The following LRP1B variants were observed in gnomAD, a reference collection of about 807,000 sequenced individuals.
LRP1B encodes low-density lipoprotein receptor-related protein 1B.
LRP1B carries 217 observed loss-of-function variants against 556.6 expected under a neutral mutation model. The observed-to-expected ratio is 0.39, with a 90% CI of 0.35 to 0.44. The LOEUF (loss-of-function observed/expected upper bound fraction) is 0.44, where lower values mean the gene tolerates loss of function less well. LRP1B is among the 20% of genes least tolerant of loss of function. The pLI, the probability that LRP1B is intolerant of heterozygous loss-of-function variation, is 1.00. For missense variants in LRP1B, 5,053 were observed against 5,620.8 expected, an observed-to-expected ratio of 0.90 and a Z score of 3.23; for synonymous variants, 2,047 against 1,865.8, an observed-to-expected ratio of 1.10 and a Z score of -2.50.
chr2:141,467,574 CTGA>C (rs1682280896), intron 3 of LRP1B, among the ~76,000 whole-genome samples: 1 of 152,056 alleles, frequency 6.6e-6, no homozygotes, highest in South Asian at 2.1e-4. Flanking sequence ...GATAGACGAA[CTGA>C]TGACCTCTGA....
intron 41 of LRP1B, among the ~76,000 whole-genome samples, chr2:140,666,189 T>C (rs1476516188): frequency 1.3e-5 from 2 of 151,566 alleles, no homozygotes; most frequent in Non-Finnish European, 2.9e-5. Context: ...GAGGCGGGGC[T>C]TCACCATCTT....
intron 33 of LRP1B, among the ~76,000 whole-genome samples, chr2:140,771,987 C>A (rs991276389): frequency 2.0e-5 from 3 of 152,144 alleles, no homozygotes; most frequent in Non-Finnish European, 4.4e-5. Flanking sequence ...TTCAATCGAA[C>A]CTGTCATGAG....
chr2:141,688,134 C>A (rs1190593414), intron 2 of LRP1B, among the ~76,000 whole-genome samples: 1 of 151,672 alleles, frequency 6.6e-6, no homozygotes, highest in Non-Finnish European at 1.5e-5. Flanking sequence ...CAAATACAAG[C>A]TATTCCAATT....
intron 2 of LRP1B, among the ~76,000 whole-genome samples, chr2:141,650,058 T>C (rs1689727949): frequency 6.6e-6 from 1 of 152,152 alleles, no homozygotes; most frequent in Non-Finnish European, 1.5e-5. Context: ...CATGTGCCTG[T>C]AATCCCAGCT....
rs151267720 is a variant in LRP1B, at chr2:140,742,228, C to T, written c.5759-25412G>A. Among the ~76,000 whole-genome samples the T allele has an allele frequency of 1.5e-3, 234 of 152,260 alleles. 3 individuals are homozygous for T. In the East Asian group the frequency reaches 0.038, roughly 25 times the overall value. ...AATGTAATTGACTGAAAAGTACAGG[C>T]ACAGGGTGGGTGAGAAAACTGAGTG... is the stretch of plus-strand genomic sequence containing the variant. On this transcript the variant is annotated intron_variant, in intron 35 of 90. Coordinates refer to ENST00000389484, the MANE Select transcript of LRP1B (RefSeq NM_018557.3).
chr2:141,520,693 C>T (rs566023082), intron 2 of LRP1B, among the ~76,000 whole-genome samples: 2 of 152,160 alleles, frequency 1.3e-5, no homozygotes, highest in East Asian at 3.9e-4. Flanking sequence ...TTTTTGCTCT[C>T]CTTGTTGATA....
At chr2:141,105,289 T>C in intron 7 of LRP1B, among the ~76,000 whole-genome samples, 1 of 152,124 alleles carries the variant, frequency 6.6e-6, no homozygotes, top group Non-Finnish European at 1.5e-5. Flanking sequence ...TCAACTTAGA[T>C]ACATGAATTT....
intron 21 of LRP1B, among the ~76,000 whole-genome samples, chr2:140,921,520 G>T (rs916193623): frequency 2.0e-5 from 3 of 151,846 alleles, no homozygotes; most frequent in African/African-American, 4.8e-5. Context: ...ATCTATTTAT[G>T]CCATCAATAA....
intron 77 of LRP1B, among the ~76,000 whole-genome samples, chr2:140,340,316 T>C (rs1304364055): frequency 2.0e-5 from 3 of 151,638 alleles, no homozygotes; most frequent in African/African-American, 7.2e-5. Context: ...TTAGATGGTC[T>C]TTGAACATGT....
At chr2:140,859,710 C>G (rs17518049) in intron 27 of LRP1B, among the ~76,000 whole-genome samples, 20,427 of 151,930 alleles carry the variant, frequency 0.13, 1,568 homozygotes, top group Admixed American at 0.17. Context: ...AAATAAATTG[C>G]CTGGCCGTGT....
At chr2:142,086,923 T>A (rs1219588982) in intron 1 of LRP1B, among the ~76,000 whole-genome samples, 9 of 152,112 alleles carry the variant, frequency 5.9e-5, no homozygotes, top group Admixed American at 5.9e-4. Flanking sequence ...CTTTTCTGCC[T>A]CTGTGAAGTA....
chr2:141,694,161 C>T (rs955615740), intron 2 of LRP1B, among the ~76,000 whole-genome samples: 1 of 152,036 alleles, frequency 6.6e-6, no homozygotes, highest in African/African-American at 2.4e-5. Context: ...CTCTCTAAGC[C>T]TTGGTTTCTT....
chr2:141,662,562 C>A (rs1690261113), intron 2 of LRP1B, among the ~76,000 whole-genome samples: 1 of 151,974 alleles, frequency 6.6e-6, no homozygotes, highest in African/African-American at 2.4e-5. Flanking sequence ...TTTAAACCAA[C>A]AGAGATCAAA....
chr2:140,350,283 A>G (rs1681897292), intron 77 of LRP1B, among the ~76,000 whole-genome samples: 1 of 152,058 alleles, frequency 6.6e-6, no homozygotes, highest in South Asian at 2.1e-4. Flanking sequence ...AGCATACACA[A>G]GTGCACAATA....
intron 43 of LRP1B, among the ~76,000 whole-genome samples, chr2:140,592,697 G>A (rs1309203156): frequency 1.3e-5 from 2 of 152,134 alleles, no homozygotes; most frequent in East Asian, 3.8e-4. Context: ...GCATATAGAT[G>A]ATAAGTTGAT....
chr2:140,305,580 C>A (rs1231106225), intron 83 of LRP1B, among the ~76,000 whole-genome samples: 3 of 152,124 alleles, frequency 2.0e-5, no homozygotes, highest in Non-Finnish European at 4.4e-5. Context: ...TCTAAATATG[C>A]AATCATGTTA....
chr2:140,957,487 T>C (rs111639249), intron 18 of LRP1B, among the ~76,000 whole-genome samples: 3 of 137,096 alleles, frequency 2.2e-5, no homozygotes, highest in African/African-American at 7.6e-5. Context: ...ACATATACAA[T>C]GAGACTAAAA....
At chr2:140,364,864 A>G in intron 71 of LRP1B, 81 bp from the exon 72 acceptor site, 3 of 1,282,664 alleles carry the variant, frequency 2.3e-6, no homozygotes, top group Non-Finnish European at 3.3e-6. Context: ...TCTGAATCTT[A>G]GCAAACAGTA....
At chr2:140,689,336 C>G (rs1221021487) in intron 41 of LRP1B, among the ~76,000 whole-genome samples, 1 of 152,166 alleles carries the variant, frequency 6.6e-6, no homozygotes, top group Admixed American at 6.5e-5. Context: ...CAATCTGTAA[C>G]CAGTCCAGCT....
Sources: gnomAD v4.1 joint callset for allele counts (sites outside exome capture counted in the v4.1 genomes callset) on GRCh38, gnomAD v4.1.1 for gene constraint, MANE v1.5 for transcripts, NCBI Gene and HGNC (gene_info 2026-07-23, HGNC 2026-07-21) for gene names.